Variants in MAP4 observed in about 807,000 individuals in gnomAD.
MAP4 encodes microtubule-associated protein 4.
Under a neutral mutation model 170.2 loss-of-function variants are expected in MAP4, and 76 were observed. That is an observed-to-expected ratio of 0.45 (90% CI 0.37 to 0.54). MAP4 has a LOEUF of 0.54. Ranked by LOEUF, MAP4 falls within the 20% of genes least tolerant of loss-of-function variation. MAP4 has a pLI of 0.00. For synonymous variants in MAP4, 909 were observed against 994.5 expected, an observed-to-expected ratio of 0.91 and a Z score of 1.62; for missense variants, 2,506 against 2,748.0, an observed-to-expected ratio of 0.91 and a Z score of 1.97.
intron 10 of MAP4, chr3:47,892,448 T>C (rs1577172233): frequency 1.3e-6 from 2 of 1,535,578 alleles, no homozygotes; most frequent in Non-Finnish European, 1.7e-6. Context: ...GAGCTGACCG[T>C]ACGCGGCAGT....
At chr3:47,975,518 G>A (rs2100081525) in intron 3 of MAP4, 19 of 1,236,398 alleles carry the variant, frequency 1.5e-5, no homozygotes, top group Non-Finnish European at 2.2e-5. Flanking sequence ...GAAGAAAAGG[G>A]TGGAAAAGCA....
At chr3:47,871,891 C>T in intron 13 of MAP4, 26 bp downstream of exon 13, 2 of 1,588,582 alleles carry the variant, frequency 1.3e-6, no homozygotes, top group Non-Finnish European at 1.7e-6. Context: ...TCCCTAGTTC[C>T]CATGGGAGAG....
intron 10 of MAP4, among the ~76,000 whole-genome samples, chr3:47,882,715 C>T (rs554948013): frequency 1.3e-5 from 2 of 152,166 alleles, no homozygotes; most frequent in African/African-American, 2.4e-5. Context: ...GCTGGGACTA[C>T]AGATGCACAC....
At chr3:47,876,353 G>A (rs1190031346) in intron 11 of MAP4, among the ~76,000 whole-genome samples, 4 of 151,948 alleles carry the variant, frequency 2.6e-5, no homozygotes, top group Non-Finnish European at 4.4e-5. Context: ...GGATGGCCTC[G>A]ATCTCCTGAC....
intron 1 of MAP4, among the ~76,000 whole-genome samples, chr3:48,014,292 C>T (rs2100106712): frequency 2.0e-5 from 3 of 152,240 alleles, no homozygotes; most frequent in East Asian, 1.9e-4. Flanking sequence ...TTAGGTCATT[C>T]GCATCTAGAG....
At chr3:48,046,202 G>A (rs567931053) in intron 1 of MAP4, among the ~76,000 whole-genome samples, 2 of 151,320 alleles carry the variant, frequency 1.3e-5, no homozygotes, top group East Asian at 1.9e-4. Flanking sequence ...CATCTTTTTC[G>A]GCCAATTCTC....
chr3:48,002,070 T>C (rs2100099463), intron 1 of MAP4, among the ~76,000 whole-genome samples: 1 of 151,948 alleles, frequency 6.6e-6, no homozygotes, highest in Non-Finnish European at 1.5e-5. Flanking sequence ...TGTGGTGGCA[T>C]GCACCTGTAG....
At chr3:47,919,361 G>A (rs1359150798) in intron 5 of MAP4, among the ~76,000 whole-genome samples, 4 of 151,984 alleles carry the variant, frequency 2.6e-5, no homozygotes, top group African/African-American at 9.7e-5. Flanking sequence ...GGGCTGGAGT[G>A]CAATGGCACG....
intron 2 of MAP4, among the ~76,000 whole-genome samples, chr3:47,980,368 A>G (rs184078854): frequency 6.6e-6 from 1 of 152,328 alleles, no homozygotes; most frequent in East Asian, 1.9e-4. Flanking sequence ...GAATTCAGAG[A>G]TATTATTCCT....
At chr3:47,854,039 C>T (rs2049801648) in intron 19 of MAP4, among the ~76,000 whole-genome samples, 2 of 152,084 alleles carry the variant, frequency 1.3e-5, no homozygotes, top group African/African-American at 4.8e-5. Flanking sequence ...AGCTGGAAAG[C>T]GTGTGTCGCC....
chr3:48,032,343 A>C (rs551157551), intron 1 of MAP4, among the ~76,000 whole-genome samples: 2 of 152,156 alleles, frequency 1.3e-5, no homozygotes, highest in African/African-American at 2.4e-5. Context: ...AAAAAAAAAT[A>C]ATAAAAAAAT....
intron 16 of MAP4, 57 bp downstream of exon 16, chr3:47,869,157 C>T: frequency 7.5e-7 from 1 of 1,336,070 alleles, no homozygotes; most frequent in Non-Finnish European, 1.1e-6. Context: ...GTGGCTCAGG[C>T]TGGAAGAAGT....
chr3:47,900,252 C>T (rs2100029285), intron 10 of MAP4, among the ~76,000 whole-genome samples: 1 of 152,110 alleles, frequency 6.6e-6, no homozygotes, highest in African/African-American at 2.4e-5. Context: ...TTTAGACATA[C>T]ATACATAAAG....
chr3:48,014,196 T>C (rs1248891960), intron 1 of MAP4, among the ~76,000 whole-genome samples: 5 of 152,228 alleles, frequency 3.3e-5, no homozygotes, highest in Non-Finnish European at 7.3e-5. Flanking sequence ...TACAGGTCTA[T>C]ACAGATTAAA....
intron 1 of MAP4, among the ~76,000 whole-genome samples, chr3:48,047,483 C>T (rs2100125199): frequency 6.6e-6 from 1 of 152,190 alleles, no homozygotes; most frequent in South Asian, 2.1e-4. Context: ...GCCATGGTGG[C>T]TGAAAGCAGG....
In MAP4 at chr3:47,969,797, T is replaced by C. The variant is rs28523573; in HGVS notation, c.292+8068A>G. Reference sequence around the variant, plus strand: ...GAGTGTTAGGCCCAGGAGGCAGAGCTTGCAGTGGGCCGAGATCGCACCACT... The same window carrying C: ...GAGTGTTAGGCCCAGGAGGCAGAGCCTGCAGTGGGCCGAGATCGCACCACT... On this transcript the variant is annotated intron_variant, in intron 3 of 20. Transcript: ENST00000683076. Among the ~76,000 whole-genome samples, 637 of 151,990 alleles carry C rather than the reference T, an allele frequency of 4.2e-3. 3 individuals carry two copies. The highest frequency in any genetic ancestry group is 0.032 in the South Asian group (154 of 4,788).
intron 1 of MAP4, among the ~76,000 whole-genome samples, chr3:48,050,700 G>A (rs973878199): frequency 2.0e-5 from 3 of 151,044 alleles, no homozygotes; most frequent in Non-Finnish European, 4.4e-5. Context: ...CAGGTCAAGA[G>A]ATCGAGACCA....
chr3:47,869,610 C>T (rs776686645), intron 15 of MAP4, among the ~76,000 whole-genome samples: 5 of 152,150 alleles, frequency 3.3e-5, no homozygotes, highest in Non-Finnish European at 5.9e-5. Context: ...AAGGCTAAGA[C>T]AACCAAATTA....
chr3:47,864,199 T>G (rs1399630173), intron 17 of MAP4, among the ~76,000 whole-genome samples: 1 of 152,136 alleles, frequency 6.6e-6, no homozygotes, highest in East Asian at 1.9e-4. Context: ...GAAGCAATCC[T>G]CCTGCCTGGG....
Sources: allele counts gnomAD v4.1 joint callset (sites outside exome capture counted in the v4.1 genomes callset), GRCh38; gene constraint gnomAD v4.1.1; transcripts MANE v1.5; gene names NCBI Gene and HGNC (gene_info 2026-07-23, HGNC 2026-07-21).